The following TMEM38B variants were observed in gnomAD, a reference collection of about 807,000 sequenced individuals.
TMEM38B encodes the protein trimeric intracellular cation channel type B.
In TMEM38B, 24 loss-of-function variants were observed where a neutral mutation model predicts 28.7. The ratio of observed to expected loss-of-function variants is 0.84; its 90% CI spans 0.61 to 1.18. The LOEUF is 1.18. TMEM38B is among the 50% of genes most tolerant of loss of function. The pLI, the probability that TMEM38B is intolerant of heterozygous loss-of-function variation, is 0.00. For synonymous variants in TMEM38B, 131 were observed against 127.7 expected (o/e 1.03, Z -0.17); for missense variants, 380 against 350.9 (o/e 1.08, Z -0.66).
chr9:105,720,746 GT>G (rs1284736092), intron 2 of TMEM38B, among the ~76,000 whole-genome samples: 7 of 152,022 alleles, frequency 4.6e-5, no homozygotes, highest in African/African-American at 1.7e-4. Context: ...AAGAAGATAT[GT>G]TCTACTTTAA....
intron 4 of TMEM38B, among the ~76,000 whole-genome samples, chr9:105,730,266 T>G (rs1424415303): frequency 6.6e-6 from 1 of 152,190 alleles, no homozygotes; most frequent in Non-Finnish European, 1.5e-5. Context: ...ATACCTAGTT[T>G]ATTGAGAGTT....
intron 4 of TMEM38B, among the ~76,000 whole-genome samples, chr9:105,733,421 C>CTT (rs71306454): frequency 0.046 from 5,895 of 127,766 alleles, 397 homozygotes; most frequent in African/African-American, 0.14. Context: ...TTTCTTTTTT[C>CTT]TTTTTTTTTT....
chr9:105,736,865 A>G (rs1296368304), intron 4 of TMEM38B, among the ~76,000 whole-genome samples: 4 of 152,200 alleles, frequency 2.6e-5, no homozygotes, highest in African/African-American at 9.6e-5. Flanking sequence ...AACTATAATC[A>G]ATGTCATTGA....
At chr9:105,705,103 T>C (rs773856507) in intron 1 of TMEM38B, among the ~76,000 whole-genome samples, 1 of 152,220 alleles carries the variant, frequency 6.6e-6, no homozygotes, top group African/African-American at 2.4e-5. Flanking sequence ...AGTATAAATA[T>C]CTATTCCTAA....
At chr9:105,707,462 C>T (rs1239741909) in intron 2 of TMEM38B, among the ~76,000 whole-genome samples, 2 of 151,700 alleles carry the variant, frequency 1.3e-5, no homozygotes, top group African/African-American at 4.8e-5. Context: ...TGTTAAGAAC[C>T]ATATCATTAA....
intron 5 of TMEM38B, chr9:105,749,383 A>C: frequency 5.3e-6 from 1 of 187,968 alleles, no homozygotes; most frequent in South Asian, 9.3e-5. Flanking sequence ...ACATGGTGGC[A>C]GGCAAGAGAG....
intron 4 of TMEM38B, among the ~76,000 whole-genome samples, chr9:105,728,267 C>T (rs1236978350): frequency 2.6e-5 from 4 of 151,692 alleles, no homozygotes; most frequent in South Asian, 2.1e-4. Flanking sequence ...AACAAGCCCC[C>T]GTGTTTGATG....
intron 2 of TMEM38B, among the ~76,000 whole-genome samples, chr9:105,710,006 T>C (rs1225441661): frequency 1.3e-5 from 2 of 152,250 alleles, no homozygotes; most frequent in Admixed American, 1.3e-4. Flanking sequence ...CTTATTCATA[T>C]TTAGGGATTA....
At chr9:105,708,173 G>A (rs1263976713) in intron 2 of TMEM38B, among the ~76,000 whole-genome samples, 1 of 151,994 alleles carries the variant, frequency 6.6e-6, no homozygotes, top group Non-Finnish European at 1.5e-5. Context: ...CATGGGTTTT[G>A]CATGCTTGAA....
intron 4 of TMEM38B, among the ~76,000 whole-genome samples, chr9:105,738,157 G>A (rs1430849461): frequency 6.6e-6 from 1 of 151,970 alleles, no homozygotes; most frequent in Non-Finnish European, 1.5e-5. Flanking sequence ...TTCTTCCTTG[G>A]GGTGAACACA....
intron 1 of TMEM38B, among the ~76,000 whole-genome samples, chr9:105,695,091 G>T (rs1835239944): frequency 6.6e-6 from 1 of 152,150 alleles, no homozygotes; most frequent in African/African-American, 2.4e-5. Context: ...AGAAGCTGCC[G>T]CAGCGTTTCG....
Position 105,774,129 on chromosome 9 carries a change from C to T in TMEM38B, c.*49C>T. 1 of 1,493,092 alleles carries T rather than the reference C, an allele frequency of 6.7e-7. No individual in the cohort carries two copies. The highest frequency in any genetic ancestry group is 2.3e-5 in the East Asian group (1 of 42,612). The allele number at this position is 1,493,092 out of a possible 1,614,324, so 92.5% of individuals were successfully genotyped here. A position where few individuals can be genotyped will look rare whatever the true frequency, so the allele number is the denominator to read the frequency against. On this transcript the variant is annotated 3_prime_UTR_variant, in exon 6 of 6. Transcript: ENST00000374692. ...GCCAAAAATTTTTTTTCTTATCTAC[C>T]TGTTATATTGTGCTAATTTTTCTAT... is the stretch of plus-strand genomic sequence containing the variant.
chr9:105,695,573 A>G (rs1188087314), intron 1 of TMEM38B, among the ~76,000 whole-genome samples: 1 of 152,276 alleles, frequency 6.6e-6, no homozygotes, highest in African/African-American at 2.4e-5. Flanking sequence ...TTGCTCTAAT[A>G]CTGCTTTACT....
intron 4 of TMEM38B, among the ~76,000 whole-genome samples, 190 bp from the exon 5 acceptor site, chr9:105,747,883 A>G (rs927527910): frequency 2.5e-4 from 38 of 152,100 alleles, no homozygotes; most frequent in Non-Finnish European, 2.2e-4. Context: ...GTATTTGAGC[A>G]GTTTTGAGTG....
intron 4 of TMEM38B, among the ~76,000 whole-genome samples, chr9:105,740,505 G>T (rs560539273): frequency 1.3e-5 from 2 of 151,908 alleles, no homozygotes; most frequent in Non-Finnish European, 2.9e-5. Flanking sequence ...GAGGTCAAGC[G>T]ATCCACCCTC....
intron 5 of TMEM38B, chr9:105,760,051 GCTT>G (rs1453800690): frequency 8.1e-6 from 10 of 1,234,824 alleles, no homozygotes; most frequent in South Asian, 6.5e-5. Context: ...TTTACTTCCA[GCTT>G]CTTCTGTGTT....
At chr9:105,747,526 AGC>A (rs1837461007) in intron 4 of TMEM38B, among the ~76,000 whole-genome samples, 18 of 152,130 alleles carry the variant, frequency 1.2e-4, no homozygotes, top group Admixed American at 7.9e-4. Context: ...TCAAAAAAAC[AGC>A]TCCTGGATTC....
At position 105,731,239 on chromosome 9, in the gene TMEM38B, T is replaced by A. The variant is rs1469725821; in HGVS notation, c.542+8618T>A. 6.6e-5 allele frequency among the ~76,000 whole-genome samples: 10 copies of A among 152,126 alleles called. No individual in the cohort carries two copies. In the South Asian group the frequency reaches 1.9e-3, roughly 28 times the overall value. ...TTCCCTCTACACACCACTTTAAATG[T>A]GCCCCAGAGATTCTGGTACGTTGTA... is the stretch of plus-strand genomic sequence containing the variant. On this transcript the variant is annotated intron_variant, in intron 4 of 5. Transcript: ENST00000374692.
At position 105,748,175 on chromosome 9, in the gene TMEM38B, T is replaced by A; in HGVS notation, c.645T>A (p.Phe215Leu). The A allele has an allele frequency of 6.2e-7, 1 of 1,610,602 alleles. No homozygotes were observed. The highest frequency in any genetic ancestry group is 1.1e-5 in the South Asian group (1 of 90,818). ...KHNLMFLYTI[F>L]IVATKITMMT... ...ATCTTATGTTCCTTTATACCATCTTTATTGTGGCCACAAAGGTAAGAATTC... is the reference window on the plus strand; with the variant it reads ...ATCTTATGTTCCTTTATACCATCTTAATTGTGGCCACAAAGGTAAGAATTC... The change falls in exon 5 of 6, where the codon TTT becomes TTA. Residue 215 changes from phenylalanine to leucine, a missense_variant. Physicochemically the swap from Phe to Leu is conservative, Grantham distance 22. Coordinates refer to ENST00000374692, the MANE Select transcript of TMEM38B (RefSeq NM_018112.3).
Sources: gnomAD v4.1 joint callset for allele counts (sites outside exome capture counted in the v4.1 genomes callset) on GRCh38, gnomAD v4.1.1 for gene constraint, MANE v1.5 for transcripts, NCBI Gene and HGNC (gene_info 2026-07-23, HGNC 2026-07-21) for gene names.